SNX9: variants seen among roughly 807,000 people sequenced by gnomAD.
SNX9 encodes sorting nexin 9, also known as sorting nexin-9.
A neutral mutation model predicts 89.4 loss-of-function variants in SNX9; 44 were observed. The ratio of observed to expected loss-of-function variants is 0.49; its 90% CI spans 0.39 to 0.63. The LOEUF is 0.63. Ranked by LOEUF, SNX9 falls within the 30% of genes least tolerant of loss-of-function variation. The pLI is 0.00. For missense variants in SNX9, 578 were observed against 736.1 expected (o/e 0.79, Z 2.49); for synonymous variants, 236 against 247.8 (o/e 0.95, Z 0.45).
At chr6:157,919,685 T>G (rs1042683736) in intron 9 of SNX9, among the ~76,000 whole-genome samples, 19 of 152,320 alleles carry the variant, frequency 1.2e-4, no homozygotes, top group African/African-American at 4.3e-4. Flanking sequence ...TGCCACATTG[T>G]TTTTTTCTGC....
At chr6:157,936,652 T>A (rs1396642875) in intron 14 of SNX9, among the ~76,000 whole-genome samples, 1 of 152,210 alleles carries the variant, frequency 6.6e-6, no homozygotes, top group Non-Finnish European at 1.5e-5. Context: ...GAGCTGTGGT[T>A]TCCTTATCTG....
At chr6:157,933,154 C>T (rs901936429) in intron 13 of SNX9, among the ~76,000 whole-genome samples, 11 of 152,070 alleles carry the variant, frequency 7.2e-5, no homozygotes, top group African/African-American at 2.7e-4. Context: ...ATTAGCCAGG[C>T]ATGGTGTCAC....
chr6:157,885,567 T>A (rs1562605007), intron 4 of SNX9, among the ~76,000 whole-genome samples: 1 of 152,236 alleles, frequency 6.6e-6, no homozygotes, highest in Non-Finnish European at 1.5e-5. Flanking sequence ...CAGATATTAT[T>A]TGCTTTCTAT....
intron 1 of SNX9, among the ~76,000 whole-genome samples, chr6:157,854,777 G>A (rs1262277266): frequency 2.0e-5 from 3 of 152,012 alleles, no homozygotes; most frequent in African/African-American, 7.2e-5. Context: ...GATTCTGTTT[G>A]CCATCTAATC....
rs539748727 is a variant in SNX9 at position 157,899,923 on chromosome 6, G to A, written c.473-1975G>A. Among the ~76,000 whole-genome samples, 3 of 146,096 alleles carry A rather than the reference G, an allele frequency of 2.1e-5. No individual in the cohort carries two copies. The South Asian group carries it at 6.6e-4, about 32-fold the overall frequency. On this transcript the variant is annotated intron_variant, in intron 5 of 17. Coordinates refer to ENST00000392185, the MANE Select transcript of SNX9 (RefSeq NM_016224.5). ...TGTGTGTGCGCGTGTATATGTGCAA[G>A]TGCGTGCCTGTGGGTGTGTGTGTGG...
intron 3 of SNX9, chr6:157,874,263 T>A (rs942577435): frequency 1.3e-5 from 2 of 152,308 alleles, no homozygotes; most frequent in Non-Finnish European, 2.9e-5. Flanking sequence ...GCCTTTTCCA[T>A]ACAACTGCAA....
chr6:157,824,560 T>G (rs962768530), intron 1 of SNX9, among the ~76,000 whole-genome samples: 1 of 152,152 alleles, frequency 6.6e-6, no homozygotes, highest in African/African-American at 2.4e-5. Flanking sequence ...AGTGTTAAGG[T>G]AGAAAATGGT....
chr6:157,869,899 G>A (rs1002779174), intron 2 of SNX9, among the ~76,000 whole-genome samples: 2 of 151,564 alleles, frequency 1.3e-5, no homozygotes, highest in Non-Finnish European at 2.9e-5. Context: ...ACACACATGC[G>A]CACACACCTC....
intron 16 of SNX9, 95 bp downstream of exon 16, chr6:157,938,842 G>A (rs1298879902): frequency 3.6e-6 from 3 of 828,736 alleles, no homozygotes; most frequent in Middle Eastern, 2.3e-4. Context: ...GTGAGCAGCA[G>A]TTAAGTAAGT....
At chr6:157,908,165 C>T (rs566806153) in intron 7 of SNX9, among the ~76,000 whole-genome samples, 1 of 152,092 alleles carries the variant, frequency 6.6e-6, no homozygotes, top group East Asian at 1.9e-4. Context: ...TCTGAGGTCT[C>T]AGCCGAAACA....
rs963181977 is a variant in SNX9 at position 157,943,119 on chromosome 6, G to A, written c.*281G>A. 4 of 298,000 alleles carry A rather than the reference G, an allele frequency of 1.3e-5. No homozygotes were observed. Among genetic ancestry groups the A allele is most frequent in the Admixed American group, 1.0e-4 (2 of 19,740 alleles). 18.5% of individuals were successfully genotyped at this position (298,000 alleles called of 1,614,324 possible). On this transcript the variant is annotated 3_prime_UTR_variant, in exon 18 of 18. Transcript: ENST00000392185. ...CAGAATTTTCAATGGAAAATGAGGGGTTTCTCCCCACTGATATTTTACATA... is the reference window on the plus strand; with the variant it reads ...CAGAATTTTCAATGGAAAATGAGGGATTTCTCCCCACTGATATTTTACATA...
At chr6:157,925,016 G>T (rs1046882921) in intron 10 of SNX9, among the ~76,000 whole-genome samples, 2 of 152,128 alleles carry the variant, frequency 1.3e-5, no homozygotes, top group Non-Finnish European at 2.9e-5. Context: ...AATATGACAT[G>T]AAAAAGACTA....
intron 1 of SNX9, among the ~76,000 whole-genome samples, chr6:157,825,818 C>G (rs1392183495): frequency 6.6e-6 from 1 of 152,088 alleles, no homozygotes; most frequent in African/African-American, 2.4e-5. Context: ...TCCCTTCCCC[C>G]ATATGCACAC....
intron 4 of SNX9, among the ~76,000 whole-genome samples, chr6:157,888,123 G>A (rs1159247017): frequency 1.3e-5 from 2 of 152,316 alleles, no homozygotes; most frequent in East Asian, 1.9e-4. Context: ...ACTCACTGTG[G>A]CTCTGTGGTT....
chr6:157,928,725 A>T, intron 12 of SNX9, 23 bp downstream of exon 12: 1 of 1,543,196 alleles, frequency 6.5e-7, no homozygotes, highest in East Asian at 2.4e-5. Context: ...CTCACAGTGC[A>T]CTGGGCTCGT....
intron 1 of SNX9, among the ~76,000 whole-genome samples, chr6:157,838,771 A>G (rs1023523754): frequency 2.6e-5 from 4 of 152,216 alleles, no homozygotes; most frequent in Admixed American, 1.3e-4. Context: ...CAGGACAGAA[A>G]GTACATTTTA....
intron 9 of SNX9, among the ~76,000 whole-genome samples, chr6:157,914,560 T>C (rs1011939000): frequency 3.0e-5 from 4 of 133,004 alleles, no homozygotes; most frequent in Admixed American, 9.0e-5. Flanking sequence ...CACTACAACC[T>C]TGACCTCCCG....
chr6:157,844,840 C>T (rs1239738755), intron 1 of SNX9, among the ~76,000 whole-genome samples: 1 of 152,012 alleles, frequency 6.6e-6, no homozygotes, highest in African/African-American at 2.4e-5. Flanking sequence ...AATGATTTAC[C>T]CACCTTGGTC....
chr6:157,882,120 A>G (rs892471012), intron 4 of SNX9, among the ~76,000 whole-genome samples: 27 of 152,216 alleles, frequency 1.8e-4, no homozygotes, highest in African/African-American at 6.5e-4. Context: ...TGGTAACTTT[A>G]TGTTGAAACC....
Sources: gnomAD v4.1 joint callset for allele counts (sites outside exome capture counted in the v4.1 genomes callset) on GRCh38, gnomAD v4.1.1 for gene constraint, MANE v1.5 for transcripts, NCBI Gene and HGNC (gene_info 2026-07-23, HGNC 2026-07-21) for gene names.